Variants in ANAPC1 observed in about 807,000 individuals in gnomAD.
ANAPC1 encodes the protein anaphase promoting complex subunit 1.
In ANAPC1, 36 loss-of-function variants were observed where a neutral mutation model predicts 208.0. That is an observed-to-expected ratio of 0.17 (90% CI 0.13 to 0.23). ANAPC1 has a LOEUF of 0.23. ANAPC1 is among the 10% of genes least tolerant of loss of function. ANAPC1 has a pLI of 1.00. For synonymous variants in ANAPC1, 378 were observed against 695.2 expected (o/e 0.54, Z 7.18); for missense variants, 942 against 2,011.6 (o/e 0.47, Z 10.17).
downstream of ANAPC1, chr2:111,766,972 C>A: frequency 2.1e-6 from 1 of 470,732 alleles, no homozygotes; most frequent in Non-Finnish European, 4.4e-6. Context: ...CAACCTGAGT[C>A]TCCTGCTAGG....
chr2:111,828,334 G>C (rs1679947271), intron 21 of ANAPC1, among the ~76,000 whole-genome samples: 2 of 152,210 alleles, frequency 1.3e-5, no homozygotes, highest in African/African-American at 4.8e-5. Flanking sequence ...TTGCATTGCT[G>C]ATAAGGATGT....
At chr2:111,871,130 G>A (rs1682725185) in intron 6 of ANAPC1, among the ~76,000 whole-genome samples, 2 of 151,908 alleles carry the variant, frequency 1.3e-5, no homozygotes, top group Admixed American at 6.6e-5. Flanking sequence ...CTACATACTT[G>A]TTCTTTTTGC....
chr2:111,868,878 G>A (rs145088182), intron 6 of ANAPC1, among the ~76,000 whole-genome samples: 34 of 152,104 alleles, frequency 2.2e-4, no homozygotes, highest in African/African-American at 5.8e-4. Flanking sequence ...GAGCGAAGAC[G>A]GGCTTTCTTT....
intron 28 of ANAPC1, among the ~76,000 whole-genome samples, chr2:111,812,422 A>G (rs1679042297): frequency 1.2e-5 from 1 of 86,390 alleles, no homozygotes; most frequent in African/African-American, 3.8e-5. Flanking sequence ...ATAATCCTCA[A>G]TGAGACTCAG....
chr2:111,857,609 C>T (rs930784553), intron 11 of ANAPC1, among the ~76,000 whole-genome samples: 30 of 152,246 alleles, frequency 2.0e-4, no homozygotes, highest in African/African-American at 6.7e-4. Flanking sequence ...ATGATACAGG[C>T]TATTTGGAAA....
At chr2:111,856,472 G>A in intron 13 of ANAPC1, 142 bp downstream of exon 13, 1 of 840,292 alleles carries the variant, frequency 1.2e-6, no homozygotes, top group Non-Finnish European at 1.8e-6. Context: ...GCTTCACTGA[G>A]AATTATTAAC....
chr2:111,789,795 A>G (rs1677775411), intron 38 of ANAPC1, among the ~76,000 whole-genome samples: 1 of 152,270 alleles, frequency 6.6e-6, no homozygotes, highest in Non-Finnish European at 1.5e-5. Context: ...AGAATGGTAG[A>G]AAAATCAATT....
chr2:111,833,369 T>C lies in ANAPC1; in HGVS notation c.2385-58A>G. On this transcript the variant is annotated intron_variant, in intron 19 of 47. Coordinates refer to ENST00000341068, the MANE Select transcript of ANAPC1 (RefSeq NM_022662.4). ...ATTACAGCACTTTCTCCCAACAGAA[T>C]TGGAAGGATTGATTAGTTGAATCTT... The C allele has an allele frequency of 2.7e-6, 4 of 1,494,124 alleles. No individual in the cohort carries two copies. In the South Asian group the frequency reaches 5.7e-5, roughly 21 times the overall value. 92.6% of individuals were successfully genotyped at this position (1,494,124 alleles called of 1,614,324 possible). A position where few individuals can be genotyped will look rare whatever the true frequency, so the allele number is the denominator to read the frequency against.
At chr2:111,784,480 C>G in intron 40 of ANAPC1, 80 bp from the exon 41 acceptor site, 1 of 1,539,924 alleles carries the variant, frequency 6.5e-7, no homozygotes, top group Non-Finnish European at 9.0e-7. Context: ...CCACGCTATA[C>G]CTCCCCCTAT....
Position 111,831,273 on chromosome 2 carries a change from T to C in ANAPC1, c.2625+13A>G, listed in dbSNP as rs1251903463. 5 of 1,588,630 alleles carry C rather than the reference T, an allele frequency of 3.1e-6. No homozygotes were observed. The highest frequency in any genetic ancestry group is 1.9e-5 in the Admixed American group (1 of 52,242). On this transcript the variant is annotated intron_variant, in intron 21 of 47. Transcript: ENST00000341068. ...AGAAAAAGGAGATAGGTAGTAACACTCCACATACATACCAAGACTACAAGT... is the reference window on the plus strand; with the variant it reads ...AGAAAAAGGAGATAGGTAGTAACACCCCACATACATACCAAGACTACAAGT...
chr2:111,818,029 AAG>A (rs934602355), intron 27 of ANAPC1, among the ~76,000 whole-genome samples: 5 of 88,450 alleles, frequency 5.7e-5, no homozygotes, highest in South Asian at 4.7e-4. Context: ...TTGCTGTCCT[AAG>A]AGTTCTACTT....
At chr2:111,817,545 T>G (rs1339331259) in intron 27 of ANAPC1, among the ~76,000 whole-genome samples, 1 of 152,144 alleles carries the variant, frequency 6.6e-6, no homozygotes, top group Admixed American at 6.5e-5. Flanking sequence ...TGTCCCTCAG[T>G]GAGATCAGGG....
intron 13 of ANAPC1, chr2:111,856,339 A>T (rs1573472816): frequency 1.4e-4 from 4 of 29,192 alleles, no homozygotes; most frequent in Non-Finnish European, 1.2e-4. Flanking sequence ...CTTTAACTTT[A>T]AAAAAAAAAA....
chr2:111,837,679 T>C (rs890286571), intron 18 of ANAPC1, among the ~76,000 whole-genome samples: 30 of 151,962 alleles, frequency 2.0e-4, no homozygotes, highest in African/African-American at 7.3e-4. Flanking sequence ...TATAGGAGTG[T>C]AGGTTACATG....
At chr2:111,844,535 T>C (rs1364677333) in intron 16 of ANAPC1, among the ~76,000 whole-genome samples, 4 of 150,952 alleles carry the variant, frequency 2.6e-5, no homozygotes, top group Admixed American at 6.6e-5. Context: ...CGCCATTGCA[T>C]TTCAGCCTGG....
intron 21 of ANAPC1, among the ~76,000 whole-genome samples, chr2:111,826,992 T>C (rs182009432): frequency 6.6e-6 from 1 of 151,984 alleles, no homozygotes; most frequent in African/African-American, 2.4e-5. Context: ...TGTAGGCATA[T>C]GTTTTCATTT....
intron 8 of ANAPC1, among the ~76,000 whole-genome samples, chr2:111,864,365 TG>T (rs1176008543): frequency 3.2e-5 from 4 of 123,384 alleles, no homozygotes; most frequent in African/African-American, 1.3e-4. Flanking sequence ...ATGATGATGA[TG>T]ATGATGATAA....
In ANAPC1 at chr2:111,862,652, T is replaced by C. The variant is rs1414573614; in HGVS notation, c.1053-54A>G. ...TCACAGTTAGCAAGGCAGGCTTATA[T>C]GACACACACTCCAATGACACTTCCA... is the stretch of plus-strand genomic sequence containing the variant. On this transcript the variant is annotated intron_variant, in intron 9 of 47. Coordinates refer to ENST00000341068, the MANE Select transcript of ANAPC1 (RefSeq NM_022662.4). The C allele has an allele frequency of 1.5e-5, 24 of 1,580,336 alleles. No homozygotes were observed. The African/African-American group carries it at 3.0e-4, about 20-fold the overall frequency.
At chr2:111,830,935 A>G (rs776409958) in intron 21 of ANAPC1, among the ~76,000 whole-genome samples, 2 of 152,256 alleles carry the variant, frequency 1.3e-5, no homozygotes, top group Non-Finnish European at 2.9e-5. Context: ...ATAAAACGCT[A>G]AGCATGAATG....
Sources: gnomAD v4.1 joint callset for allele counts (sites outside exome capture counted in the v4.1 genomes callset) on GRCh38, gnomAD v4.1.1 for gene constraint, MANE v1.5 for transcripts, NCBI Gene and HGNC (gene_info 2026-07-23, HGNC 2026-07-21) for gene names.